Variants in COBL observed in about 807,000 individuals in gnomAD.
The protein encoded by COBL is protein cordon-bleu.
COBL carries 51 observed loss-of-function variants against 98.8 expected under a neutral mutation model. The ratio of observed to expected loss-of-function variants is 0.52; its 90% CI spans 0.41 to 0.65. The LOEUF (loss-of-function observed/expected upper bound fraction) is 0.65. COBL is among the 30% of genes least tolerant of loss of function. The pLI is 0.00. For missense variants in COBL, 1,617 were observed against 1,617.5 expected (o/e 1.00, Z 0.01); for synonymous variants, 634 against 651.7 (o/e 0.97, Z 0.41).
chr7:51,203,814 C>G (rs1049882719), intron 2 of COBL, among the ~76,000 whole-genome samples: 1 of 152,084 alleles, frequency 6.6e-6, no homozygotes, highest in African/African-American at 2.4e-5. Flanking sequence ...ATAATTGATA[C>G]TAGTGCTTTT....
At chr7:51,186,572 G>A (rs1789535136) in intron 4 of COBL, among the ~76,000 whole-genome samples, 1 of 152,168 alleles carries the variant, frequency 6.6e-6, no homozygotes. Context: ...GACTGAGGTC[G>A]GCTCCCTGAC....
chr7:51,073,402 A>C, intron 7 of COBL: 2 of 672,190 alleles, frequency 3.0e-6, no homozygotes, highest in Non-Finnish European at 5.4e-6. Flanking sequence ...GGGGAAAATA[A>C]ATGGCAAAAT....
intron 1 of COBL, among the ~76,000 whole-genome samples, chr7:51,307,008 C>G (rs1563150444): frequency 6.6e-6 from 1 of 152,160 alleles, no homozygotes; most frequent in Non-Finnish European, 1.5e-5. Flanking sequence ...GACGTGGACA[C>G]TGACGAGAGA....
chr7:51,213,879 C>T (rs905365070), intron 2 of COBL, among the ~76,000 whole-genome samples: 10 of 152,078 alleles, frequency 6.6e-5, no homozygotes, highest in African/African-American at 1.2e-4. Context: ...TCTGTGAGGG[C>T]TCTCATGATG....
chr7:51,076,288 G>A (rs1793066886), intron 7 of COBL, among the ~76,000 whole-genome samples: 1 of 152,156 alleles, frequency 6.6e-6, no homozygotes. Flanking sequence ...AGGCATTAGG[G>A]GACTCTAATG....
intron 7 of COBL, chr7:51,072,002 A>T (rs1663435290): frequency 6.6e-6 from 1 of 152,092 alleles, no homozygotes; most frequent in South Asian, 2.1e-4. Flanking sequence ...CATAGCACTA[A>T]ATTGGTTATA....
Position 51,177,141 on chromosome 7 carries a change from T to C in COBL, c.783+6961A>G, listed in dbSNP as rs143583305. On this transcript the variant is annotated intron_variant, in intron 5 of 12. Coordinates refer to ENST00000265136, the MANE Select transcript of COBL (RefSeq NM_015198.5). ...TGTTTGATTCTGGGGTATAGACAAGTGGCCACGGGAAGGCCTGGGGACACG... is the reference window on the plus strand; with the variant it reads ...TGTTTGATTCTGGGGTATAGACAAGCGGCCACGGGAAGGCCTGGGGACACG... 8.7e-3 allele frequency among the ~76,000 whole-genome samples: 1,327 copies of C among 152,256 alleles called. 19 individuals carry two copies. Among genetic ancestry groups the C allele is most frequent in the African/African-American group, 0.03 (1,257 of 41,558 alleles).
At chr7:51,249,482 CA>C (rs1294609752) in intron 1 of COBL, among the ~76,000 whole-genome samples, 1 of 152,144 alleles carries the variant, frequency 6.6e-6, no homozygotes, top group East Asian at 1.9e-4. Flanking sequence ...CTAAATCCTT[CA>C]AAGATAGATT....
At chr7:51,100,041 C>T (rs1795675520) in intron 6 of COBL, among the ~76,000 whole-genome samples, 1 of 152,218 alleles carries the variant, frequency 6.6e-6, no homozygotes, top group African/African-American at 2.4e-5. Flanking sequence ...ACCACCTCCA[C>T]TGTGGTAATC....
chr7:51,065,401 T>G (rs1373129029), intron 7 of COBL: 1 of 703,380 alleles, frequency 1.4e-6, no homozygotes, highest in Non-Finnish European at 2.6e-6. Context: ...GGCTGTGGTA[T>G]TCAGAAGCAA....
At chr7:51,187,741 G>C (rs1237102105) in intron 4 of COBL, among the ~76,000 whole-genome samples, 1 of 152,158 alleles carries the variant, frequency 6.6e-6, no homozygotes, top group Non-Finnish European at 1.5e-5. Context: ...AGGGAATCAA[G>C]AAACCAAACC....
chr7:51,299,568 T>G (rs763003484), intron 1 of COBL, among the ~76,000 whole-genome samples: 1 of 152,052 alleles, frequency 6.6e-6, no homozygotes, highest in African/African-American at 2.4e-5. Context: ...GGAGGAAGGG[T>G]GCTGCAGCCC....
rs939547724 is a variant in COBL, at chr7:51,244,004, T to C, written c.42-24060A>G. 4.6e-5 allele frequency among the ~76,000 whole-genome samples: 7 copies of C among 152,156 alleles called. 1 individual carries two copies. The highest frequency in any genetic ancestry group is 1.0e-4 in the Non-Finnish European group (7 of 68,042). On this transcript the variant is annotated intron_variant, in intron 1 of 12. Transcript: ENST00000265136. ...ATCTTCAAAATTAAAAATTAAAAAATATATCAGCTAAGGAAAGATAAACCA... is the reference window on the plus strand; with the variant it reads ...ATCTTCAAAATTAAAAATTAAAAAACATATCAGCTAAGGAAAGATAAACCA...
chr7:51,284,821 C>A (rs567457518), intron 1 of COBL, among the ~76,000 whole-genome samples: 3 of 148,990 alleles, frequency 2.0e-5, no homozygotes, highest in Non-Finnish European at 4.4e-5. Context: ...AGCAAGACTC[C>A]GTCTCAAAAA....
chr7:51,137,815 A>G (rs1054800007), intron 5 of COBL, among the ~76,000 whole-genome samples: 3 of 152,208 alleles, frequency 2.0e-5, no homozygotes, highest in African/African-American at 7.2e-5. Flanking sequence ...ATGAATAGAC[A>G]GATGACCCTC....
At chr7:51,087,521 CAG>C (rs1365576051) in intron 6 of COBL, among the ~76,000 whole-genome samples, 3 of 151,876 alleles carry the variant, frequency 2.0e-5, no homozygotes, top group Admixed American at 2.0e-4. Context: ...TTTTTTGAGA[CAG>C]AGTCTCACTC....
At chr7:51,238,497 C>T (rs1364687007) in intron 1 of COBL, among the ~76,000 whole-genome samples, 1 of 152,176 alleles carries the variant, frequency 6.6e-6, no homozygotes, top group Non-Finnish European at 1.5e-5. Flanking sequence ...GTAACTTACA[C>T]TGAAGTTACT....
At chr7:51,115,331 A>G (rs1797176905) in intron 6 of COBL, among the ~76,000 whole-genome samples, 1 of 151,342 alleles carries the variant, frequency 6.6e-6, no homozygotes, top group Non-Finnish European at 1.5e-5. Flanking sequence ...ATTTTGTTCT[A>G]CTTTTTTTTA....
intron 5 of COBL, 53 bp from the exon 6 acceptor site, chr7:51,136,384 C>T: frequency 2.0e-6 from 3 of 1,531,070 alleles, no homozygotes; most frequent in Non-Finnish European, 2.6e-6. Context: ...TGACTTCTCC[C>T]CGTATGAATG....
Sources: allele counts gnomAD v4.1 joint callset (sites outside exome capture counted in the v4.1 genomes callset), GRCh38; gene constraint gnomAD v4.1.1; transcripts MANE v1.5; gene names NCBI Gene and HGNC (gene_info 2026-07-23, HGNC 2026-07-21).